Variants in SPATS2L observed in about 807,000 individuals in gnomAD.
The protein encoded by SPATS2L is SPATS2-like protein.
In SPATS2L, 30 loss-of-function variants were observed where a neutral mutation model predicts 59.6. That is an observed-to-expected ratio of 0.50 (90% CI 0.38 to 0.68). The LOEUF (loss-of-function observed/expected upper bound fraction) is 0.68, where lower values mean the gene tolerates loss of function less well. SPATS2L is among the 30% of genes least tolerant of loss of function. The probability of loss-of-function intolerance (pLI) is 0.00; values close to 1 mark genes in which losing one functional copy is unlikely to be tolerated. For synonymous variants in SPATS2L, 252 were observed against 263.5 expected (o/e 0.96, Z 0.42); for missense variants, 615 against 700.0 (o/e 0.88, Z 1.37).
rs547364159 is a variant in SPATS2L at position 200,369,434 on chromosome 2, C to T, written c.-22-19789C>T. ...TTGGCCTCCCAAAGTGCTGGGATTA[C>T]GGGCATGAGCCACCGTGAGGCAGGG... On this transcript the variant is annotated intron_variant, in intron 2 of 12. Coordinates refer to ENST00000409140, the MANE Select transcript of SPATS2L (RefSeq NM_001100423.2). Among the ~76,000 whole-genome samples, 8 of 152,174 alleles carry T rather than the reference C, an allele frequency of 5.3e-5. No homozygotes were observed. In the South Asian group the frequency reaches 1.0e-3, roughly 20 times the overall value.
chr2:200,389,038 G>A (rs2082088460), intron 2 of SPATS2L, among the ~76,000 whole-genome samples, 185 bp from the exon 3 acceptor site: 1 of 152,116 alleles, frequency 6.6e-6, no homozygotes. Flanking sequence ...TTGTTTTCTA[G>A]AGTTATTGTA....
intron 6 of SPATS2L, among the ~76,000 whole-genome samples, chr2:200,433,961 G>A (rs538245066): frequency 8.6e-5 from 13 of 151,994 alleles, no homozygotes; most frequent in African/African-American, 1.2e-4. Context: ...AGCATAACTC[G>A]TATCAAAACC....
chr2:200,370,522 C>G (rs923494109), intron 2 of SPATS2L, among the ~76,000 whole-genome samples: 1 of 152,126 alleles, frequency 6.6e-6, no homozygotes, highest in Non-Finnish European at 1.5e-5. Flanking sequence ...AGTATAGACT[C>G]TGTTCTATTC....
intron 6 of SPATS2L, among the ~76,000 whole-genome samples, chr2:200,435,733 G>A (rs149610724): frequency 7.2e-5 from 11 of 152,188 alleles, no homozygotes; most frequent in African/African-American, 1.9e-4. Context: ...AATTAGTAGT[G>A]ATTACACACT....
Position 200,472,761 on chromosome 2 carries a change from CT to C in SPATS2L, c.1061-69del, listed in dbSNP as rs2087156708. ...TGGCCAGTTTCTTCATCTTCTAGCG[CT>C]TCCTAATGGGTTACTGAGGCAGCAG... On this transcript the variant is annotated intron_variant, in intron 11 of 12. Transcript: ENST00000409140. The C allele has an allele frequency of 3.7e-5, 50 of 1,347,902 alleles. 2 individuals carry two copies. In the South Asian group the frequency reaches 6.0e-4, roughly 16 times the overall value. 83.5% of individuals were successfully genotyped at this position (1,347,902 alleles called of 1,614,324 possible).
chr2:200,434,535 A>G (rs561097453), intron 6 of SPATS2L, among the ~76,000 whole-genome samples: 6 of 152,244 alleles, frequency 3.9e-5, no homozygotes, highest in African/African-American at 1.4e-4. Context: ...GTCGCTAGAT[A>G]TAAGTTCAAT....
chr2:200,406,422 A>AG (rs2082689734), intron 3 of SPATS2L, among the ~76,000 whole-genome samples: 1 of 152,128 alleles, frequency 6.6e-6, no homozygotes, highest in Non-Finnish European at 1.5e-5. Flanking sequence ...AAAAAAAAAA[A>AG]AAAAAGAGGT....
intron 2 of SPATS2L, among the ~76,000 whole-genome samples, chr2:200,366,766 T>G (rs1227659455): frequency 6.6e-6 from 1 of 152,222 alleles, no homozygotes; most frequent in Non-Finnish European, 1.5e-5. Flanking sequence ...ACTGCAAGAT[T>G]GTATTGGAGG....
rs781291144 is a variant in SPATS2L at position 200,477,949 on chromosome 2, A to T, written c.1595A>T (p.Gln532Leu). 1 of 1,610,656 alleles carries T rather than the reference A, an allele frequency of 6.2e-7. No homozygotes were observed. Among genetic ancestry groups the T allele is most frequent in the Non-Finnish European group, 8.5e-7 (1 of 1,179,064 alleles). The part of the protein sequence containing the change: ...PFRGSVGRVS[Q>L]CNLCPTRIEV... ...CGGGGTAGTGTCGGTAGGGTTTCAC[A>T]GTGCAATCTCTGCCCCACGAGAATA... Residue 532 changes from glutamine (Q) to leucine (L), a missense_variant, in exon 13 of 13, where the codon CAG (glutamine) becomes CTG (leucine). Physicochemically the swap from Gln to Leu is moderately radical, Grantham distance 113. Transcript: ENST00000409140.
At chr2:200,366,586 TG>T (rs1221443238) in intron 2 of SPATS2L, among the ~76,000 whole-genome samples, 1 of 152,206 alleles carries the variant, frequency 6.6e-6, no homozygotes, top group African/African-American at 2.4e-5. Context: ...GGACTTGAGT[TG>T]GTAATAGGCA....
chr2:200,366,529 G>A (rs2081274085), intron 2 of SPATS2L, among the ~76,000 whole-genome samples: 2 of 152,146 alleles, frequency 1.3e-5, no homozygotes, highest in African/African-American at 4.8e-5. Flanking sequence ...TATAAAAACA[G>A]CAGTATCAAA....
intron 2 of SPATS2L, among the ~76,000 whole-genome samples, chr2:200,362,131 C>T (rs575197661): frequency 1.3e-5 from 2 of 152,050 alleles, no homozygotes; most frequent in Non-Finnish European, 2.9e-5. Flanking sequence ...CCTGTAATCC[C>T]AGCTACTCAG....
At chr2:200,435,183 A>G (rs867744736) in intron 6 of SPATS2L, among the ~76,000 whole-genome samples, 26 of 152,156 alleles carry the variant, frequency 1.7e-4, no homozygotes, top group African/African-American at 2.9e-4. Flanking sequence ...TGCACTCTCC[A>G]TATGTGTCTG....
At chr2:200,432,460 G>A (rs1187124730) in intron 6 of SPATS2L, among the ~76,000 whole-genome samples, 3 of 151,944 alleles carry the variant, frequency 2.0e-5, no homozygotes, top group African/African-American at 7.2e-5. Flanking sequence ...TTATCCTCAA[G>A]GCAAAAAGGG....
intron 6 of SPATS2L, among the ~76,000 whole-genome samples, chr2:200,433,689 A>G (rs2084089644): frequency 6.6e-6 from 1 of 152,126 alleles, no homozygotes; most frequent in Admixed American, 6.5e-5. Flanking sequence ...AGGATGTTAT[A>G]AACAACTTTA....
At chr2:200,309,520 T>G (rs1462060786) in intron 1 of SPATS2L, among the ~76,000 whole-genome samples, 1 of 152,206 alleles carries the variant, frequency 6.6e-6, no homozygotes, top group Admixed American at 6.5e-5. Context: ...TCATATGTTT[T>G]TTATAATTTC....
At chr2:200,313,414 T>A (rs959602048) in intron 1 of SPATS2L, among the ~76,000 whole-genome samples, 3 of 152,200 alleles carry the variant, frequency 2.0e-5, no homozygotes, top group Non-Finnish European at 4.4e-5. Context: ...ATATTTCTAA[T>A]TAAGGAAAAA....
upstream of SPATS2L, chr2:200,306,181 C>T (rs1160918378): frequency 1.2e-5 from 12 of 1,000,714 alleles, no homozygotes; most frequent in Non-Finnish European, 1.2e-5. Context: ...AATGGGCTAT[C>T]TTTGCTTACA....
chr2:200,306,124 C>G (rs907841134), upstream of SPATS2L: 1 of 988,226 alleles, frequency 1.0e-6, no homozygotes, highest in Admixed American at 6.2e-5. Flanking sequence ...AAGGGCTGAC[C>G]CGAGCTCCAG....
Sources: allele counts gnomAD v4.1 joint callset (sites outside exome capture counted in the v4.1 genomes callset), GRCh38; gene constraint gnomAD v4.1.1; transcripts MANE v1.5; gene names NCBI Gene and HGNC (gene_info 2026-07-23, HGNC 2026-07-21).